Variants in ARHGAP20 observed in about 807,000 individuals in gnomAD.
ARHGAP20 encodes rho GTPase-activating protein 20.
ARHGAP20 carries 34 observed loss-of-function variants against 73.7 expected under a neutral mutation model. The observed-to-expected ratio is 0.46, with a 90% CI of 0.35 to 0.61. The LOEUF (loss-of-function observed/expected upper bound fraction) is 0.61, where lower values mean the gene tolerates loss of function less well. ARHGAP20 is among the 20% of genes least tolerant of loss of function. The probability of loss-of-function intolerance (pLI) is 0.00; values close to 1 mark genes in which losing one functional copy is unlikely to be tolerated. For missense variants in ARHGAP20, 1,314 were observed against 1,420.9 expected, an observed-to-expected ratio of 0.92 and a Z score of 1.21; for synonymous variants, 523 against 518.2, an observed-to-expected ratio of 1.01 and a Z score of -0.13.
rs557050886 is a variant in ARHGAP20 at position 110,587,627 on chromosome 11, G to A, written c.1306-1302C>T. Among the ~76,000 whole-genome samples, 18 of 152,298 alleles carry A rather than the reference G, an allele frequency of 1.2e-4. No individual in the cohort carries two copies. The East Asian group carries it at 3.3e-3, about 28-fold the overall frequency. On this transcript the variant is annotated intron_variant, in intron 11 of 14. Transcript: ENST00000683387. ...GCCAAGCACAGTCCTAGCCATAGTA[G>A]AGGACATTAGTGAACTGCTGCTAAA...
In ARHGAP20 at chr11:110,668,720, A is replaced by G. The variant is rs74552149; in HGVS notation, c.188+21827T>C. 3.9e-4 allele frequency among the ~76,000 whole-genome samples: 59 copies of G among 152,322 alleles called. No individual in the cohort carries two copies. In the East Asian group the frequency reaches 0.011, roughly 27 times the overall value. On this transcript the variant is annotated intron_variant, in intron 2 of 14. Transcript: ENST00000683387. ...ATTGGCACACTTAATAGACTACAAT[A>G]TAATTTATACATAACTTTTATATGC... is the stretch of plus-strand genomic sequence containing the variant.
chr11:110,620,935 G>A (rs1565442972), intron 4 of ARHGAP20, among the ~76,000 whole-genome samples: 4 of 151,850 alleles, frequency 2.6e-5, no homozygotes, highest in South Asian at 2.1e-4. Context: ...TTAGCTGGGC[G>A]CGGTGGTGTG....
intron 9 of ARHGAP20, among the ~76,000 whole-genome samples, chr11:110,604,736 G>C (rs533957346): frequency 6.6e-6 from 1 of 152,234 alleles, no homozygotes; most frequent in African/African-American, 2.4e-5. Flanking sequence ...AGAGATGTCT[G>C]TTAACAAATT....
intron 2 of ARHGAP20, among the ~76,000 whole-genome samples, chr11:110,655,392 C>A (rs778874641): frequency 1.3e-5 from 2 of 152,074 alleles, no homozygotes; most frequent in Non-Finnish European, 2.9e-5. Context: ...GCAGTAAAAT[C>A]TGGAGAGAGG....
At chr11:110,699,889 G>C (rs1430942111) in intron 1 of ARHGAP20, among the ~76,000 whole-genome samples, 3 of 151,906 alleles carry the variant, frequency 2.0e-5, no homozygotes, top group African/African-American at 7.2e-5. Context: ...TCCAATATCT[G>C]AGATTTTAAG....
chr11:110,644,732 C>G (rs1413568120), intron 2 of ARHGAP20, among the ~76,000 whole-genome samples: 1 of 152,030 alleles, frequency 6.6e-6, no homozygotes, highest in Non-Finnish European at 1.5e-5. Context: ...TTGGCCTTGA[C>G]AAGAAATTTA....
intron 8 of ARHGAP20, among the ~76,000 whole-genome samples, chr11:110,607,897 C>T (rs61902293): frequency 6.6e-6 from 1 of 152,122 alleles, no homozygotes; most frequent in Non-Finnish European, 1.5e-5. Context: ...ACATAGTTTT[C>T]ATTAATATAT....
At chr11:110,648,049 A>C (rs1339592860) in intron 2 of ARHGAP20, among the ~76,000 whole-genome samples, 1 of 151,048 alleles carries the variant, frequency 6.6e-6, no homozygotes, top group Non-Finnish European at 1.5e-5. Context: ...TTATGTATTA[A>C]AGCATTGAAT....
At chr11:110,648,234 TA>T (rs1437981191) in intron 2 of ARHGAP20, among the ~76,000 whole-genome samples, 1 of 87,530 alleles carries the variant, frequency 1.1e-5, no homozygotes, top group African/African-American at 4.7e-5. Context: ...TATATATATA[TA>T]TGTAAATATA....
At chr11:110,648,225 A>G (rs954895320) in intron 2 of ARHGAP20, among the ~76,000 whole-genome samples, 28 of 95,716 alleles carry the variant, frequency 2.9e-4, no homozygotes, top group East Asian at 1.3e-3. Context: ...ATATATGTAT[A>G]TATATATATA....
chr11:110,590,723 T>C lies in ARHGAP20; in HGVS notation c.1230A>G (p.Leu410=), dbSNP rs369794419. The C allele has an allele frequency of 9.9e-6, 16 of 1,614,044 alleles. No individual in the cohort carries two copies. The African/African-American group carries it at 1.6e-4, about 16-fold the overall frequency. Residue 410 remains leucine (L), a synonymous_variant, in exon 11 of 15, where the codon CTA becomes CTG. Coordinates refer to ENST00000683387, the MANE Select transcript of ARHGAP20 (RefSeq NM_001384657.1). ...CGACTCCAGAATTCAATTTCTCTTT[T>C]AGTTCTCTGCAGGATTTCACATTGG... ...QSANVKSCRE[L]KEKLNSGVEV...
chr11:110,708,458 G>T (rs902741088), intron 1 of ARHGAP20, among the ~76,000 whole-genome samples: 4 of 145,710 alleles, frequency 2.7e-5, no homozygotes, highest in Non-Finnish European at 6.1e-5. Flanking sequence ...GCAGTTTTGT[G>T]ATAGCCTAAA....
chr11:110,712,073 C>CG, intron 1 of ARHGAP20, 54 bp downstream of exon 1: 1 of 1,252,760 alleles, frequency 8.0e-7, no homozygotes, highest in Non-Finnish European at 1.0e-6. Context: ...GGGCGCGCGC[C>CG]GGCAGTGGGG....
chr11:110,711,590 G>A (rs1311123155), intron 1 of ARHGAP20: 3 of 1,477,088 alleles, frequency 2.0e-6, no homozygotes, highest in Non-Finnish European at 2.7e-6. Context: ...AAACTGCTAT[G>A]GAGCAGCCGC....
chr11:110,643,423 A>G (rs1383627600), intron 2 of ARHGAP20, among the ~76,000 whole-genome samples: 1 of 151,998 alleles, frequency 6.6e-6, no homozygotes, highest in African/African-American at 2.4e-5. Flanking sequence ...TTTCCTCTTA[A>G]CACTGCTTCA....
intron 1 of ARHGAP20, among the ~76,000 whole-genome samples, chr11:110,702,709 T>C (rs1400279123): frequency 6.6e-6 from 1 of 152,096 alleles, no homozygotes; most frequent in Admixed American, 6.6e-5. Flanking sequence ...AATCAATGTG[T>C]GAAAATCACA....
At chr11:110,692,878 T>G (rs906846952) in intron 1 of ARHGAP20, among the ~76,000 whole-genome samples, 1 of 151,924 alleles carries the variant, frequency 6.6e-6, no homozygotes, top group Non-Finnish European at 1.5e-5. Context: ...GGTAGTGGTT[T>G]GTTGAGAAAT....
At chr11:110,624,870 A>G (rs1229063204) in intron 3 of ARHGAP20, among the ~76,000 whole-genome samples, 2 of 152,166 alleles carry the variant, frequency 1.3e-5, no homozygotes, top group South Asian at 4.1e-4. Flanking sequence ...TTATTTTTCT[A>G]TATGTCGAGC....
At chr11:110,637,898 T>G (rs1591334126) in intron 2 of ARHGAP20, among the ~76,000 whole-genome samples, 2 of 152,114 alleles carry the variant, frequency 1.3e-5, no homozygotes, top group Non-Finnish European at 2.9e-5. Flanking sequence ...AATATGCACC[T>G]TGTGCTTCAG....
Sources: allele counts gnomAD v4.1 joint callset (sites outside exome capture counted in the v4.1 genomes callset), GRCh38; gene constraint gnomAD v4.1.1; transcripts MANE v1.5; gene names NCBI Gene and HGNC (gene_info 2026-07-23, HGNC 2026-07-21).